The following ETS1 variants were observed in gnomAD, a reference collection of about 807,000 sequenced individuals.
ETS1 encodes ETS proto-oncogene 1, transcription factor.
ETS1 carries 15 observed loss-of-function variants against 58.6 expected under a neutral mutation model. The observed-to-expected ratio is 0.26, with a 90% CI of 0.17 to 0.39. The LOEUF is 0.39. Ranked by LOEUF, ETS1 falls within the 10% of genes least tolerant of loss-of-function variation. The pLI, the probability that ETS1 is intolerant of heterozygous loss-of-function variation, is 1.00. For synonymous variants in ETS1, 214 were observed against 218.2 expected (o/e 0.98, Z 0.17); for missense variants, 417 against 610.5 (o/e 0.68, Z 3.34).
chr11:128,582,351 T>C (rs1433585908), intron 1 of ETS1, among the ~76,000 whole-genome samples: 3 of 152,172 alleles, frequency 2.0e-5, no homozygotes, highest in Admixed American at 2.0e-4. Context: ...AGGAGGATCA[T>C]ACAAAACACA....
At chr11:128,466,702 GGAAT>G (rs1862045646) in intron 8 of ETS1, among the ~76,000 whole-genome samples, 1 of 138,624 alleles carries the variant, frequency 7.2e-6, no homozygotes, top group Non-Finnish European at 1.6e-5. Context: ...TTGTTCAAAA[GGAAT>G]GAAAGAAAAA....
At chr11:128,508,271 T>A (rs1282755609) in intron 3 of ETS1, among the ~76,000 whole-genome samples, 1 of 152,210 alleles carries the variant, frequency 6.6e-6, no homozygotes, top group Non-Finnish European at 1.5e-5. Context: ...TTTATTGAGC[T>A]CCTGTGGCAA....
chr11:128,573,233 A>C, intron 1 of ETS1, 89 bp from the exon 2 acceptor site: 1 of 941,898 alleles, frequency 1.1e-6, no homozygotes. Context: ...CTTAGAACTA[A>C]AAGTCTCCTT....
At chr11:128,583,590 G>A (rs1263150992) in intron 1 of ETS1, among the ~76,000 whole-genome samples, 1 of 151,778 alleles carries the variant, frequency 6.6e-6, no homozygotes, top group Non-Finnish European at 1.5e-5. Context: ...ACATTGTTTT[G>A]CAAACTTTTA....
At chr11:128,497,152 GAGA>G (rs1237797269) in intron 3 of ETS1, among the ~76,000 whole-genome samples, 7 of 152,336 alleles carry the variant, frequency 4.6e-5, no homozygotes, top group South Asian at 2.1e-4. Context: ...GCAAAGAAGG[GAGA>G]AGAAGCTGCA....
intron 2 of ETS1, 63 bp from the exon 3 acceptor site, chr11:128,556,498 G>C (rs1864315495): frequency 1.8e-6 from 2 of 1,103,466 alleles, no homozygotes; most frequent in East Asian, 2.6e-5. Flanking sequence ...TAGCCCTAAA[G>C]AACTATGACT....
At chr11:128,493,496 G>A (rs1325388464) in intron 3 of ETS1, among the ~76,000 whole-genome samples, 2 of 152,224 alleles carry the variant, frequency 1.3e-5, no homozygotes, top group Non-Finnish European at 2.9e-5. Flanking sequence ...GAGGTGCCTG[G>A]CTCTGCCCCT....
Position 128,462,334 on chromosome 11 carries a change from A to G in ETS1, c.*27T>C. 9 of 1,567,992 alleles carry G rather than the reference A, an allele frequency of 5.7e-6. No homozygotes were observed. Among genetic ancestry groups the G allele is most frequent in the Non-Finnish European group, 7.0e-6 (8 of 1,139,480 alleles). The stretch of plus-strand genomic sequence containing the variant: ...ACGGCTGTCCTTGGAAGGTCTCAGC[A>G]GGGTTTCCCCAGCCCCTTCAGTGCC... On this transcript the variant is annotated 3_prime_UTR_variant, in exon 10 of 10. Coordinates refer to ENST00000392668, the MANE Select transcript of ETS1 (RefSeq NM_001143820.2).
chr11:128,518,787 T>G (rs540121295), intron 3 of ETS1, among the ~76,000 whole-genome samples: 4 of 152,240 alleles, frequency 2.6e-5, no homozygotes, highest in Non-Finnish European at 5.9e-5. Flanking sequence ...CAAAGCTTCT[T>G]CCTATCTCTA....
chr11:128,531,326 G>A (rs1185242868), intron 3 of ETS1, among the ~76,000 whole-genome samples: 1 of 152,208 alleles, frequency 6.6e-6, no homozygotes, highest in African/African-American at 2.4e-5. Context: ...ATGAATGGGT[G>A]CCAAGTGCTT....
At chr11:128,489,006 G>A (rs536832779) in intron 5 of ETS1, among the ~76,000 whole-genome samples, 1 of 152,194 alleles carries the variant, frequency 6.6e-6, no homozygotes, top group Non-Finnish European at 1.5e-5. Context: ...GCATGGGTTT[G>A]AGATAAGGAC....
intron 3 of ETS1, chr11:128,504,844 T>C (rs1469770353): frequency 6.6e-6 from 1 of 152,240 alleles, no homozygotes; most frequent in Non-Finnish European, 1.5e-5. Context: ...CACAGAGGAA[T>C]GAGCCATCCA....
intron 3 of ETS1, among the ~76,000 whole-genome samples, chr11:128,504,602 T>A (rs1460926026): frequency 6.6e-6 from 1 of 152,236 alleles, no homozygotes; most frequent in Non-Finnish European, 1.5e-5. Context: ...TCAAACCTTT[T>A]CTTTTACTGG....
At chr11:128,496,408 C>G (rs575105545) in intron 3 of ETS1, among the ~76,000 whole-genome samples, 1 of 152,040 alleles carries the variant, frequency 6.6e-6, no homozygotes, top group African/African-American at 2.4e-5. Context: ...CTAAAGTGTA[C>G]AAAACAAATA....
In ETS1 at chr11:128,523,186, T is replaced by A. The variant is rs1397588737; in HGVS notation, c.215-32610A>T. ...CCTCCCACGACCGCCACCAAAAAAG[T>A]GATGCAGAGGCTCTGTGGTTTTGAA... is the stretch of plus-strand genomic sequence containing the variant. On this transcript the variant is annotated intron_variant, in intron 3 of 9. Coordinates refer to ENST00000392668, the MANE Select transcript of ETS1 (RefSeq NM_001143820.2). 2.6e-5 allele frequency among the ~76,000 whole-genome samples: 4 copies of A among 152,318 alleles called. No homozygotes were observed. In the East Asian group the frequency reaches 7.7e-4, roughly 29 times the overall value.
chr11:128,563,322 G>T (rs1188844909), intron 2 of ETS1, among the ~76,000 whole-genome samples: 3 of 152,192 alleles, frequency 2.0e-5, no homozygotes, highest in African/African-American at 7.2e-5. Context: ...CTGGGTGGAT[G>T]GGCACTATGA....
chr11:128,494,829 T>C (rs930775337), intron 3 of ETS1, among the ~76,000 whole-genome samples: 3 of 152,134 alleles, frequency 2.0e-5, no homozygotes, highest in African/African-American at 4.8e-5. Flanking sequence ...CTGGAGCGTC[T>C]GGGATCCTAG....
At chr11:128,564,116 A>T (rs1864450459) in intron 2 of ETS1, among the ~76,000 whole-genome samples, 1 of 152,168 alleles carries the variant, frequency 6.6e-6, no homozygotes, top group Non-Finnish European at 1.5e-5. Context: ...TTTCTGGGGC[A>T]CATCTGTTCA....
At chr11:128,574,685 G>T (rs982480480) in intron 1 of ETS1, among the ~76,000 whole-genome samples, 5 of 152,150 alleles carry the variant, frequency 3.3e-5, no homozygotes, top group African/African-American at 1.2e-4. Flanking sequence ...ACCATACACT[G>T]TGAGGATCAT....
Sources: allele counts gnomAD v4.1 joint callset (sites outside exome capture counted in the v4.1 genomes callset), GRCh38; gene constraint gnomAD v4.1.1; transcripts MANE v1.5; gene names NCBI Gene and HGNC (gene_info 2026-07-23, HGNC 2026-07-21).